Variants in PRKD1 observed in about 807,000 individuals in gnomAD.
The protein encoded by PRKD1 is serine/threonine-protein kinase D1.
In PRKD1, 63 loss-of-function variants were observed where a neutral mutation model predicts 95.9. That is an observed-to-expected ratio of 0.66 (90% CI 0.54 to 0.81). The LOEUF (loss-of-function observed/expected upper bound fraction) is 0.81. Among genes scored for constraint, PRKD1 ranks in the 30% least tolerant of loss-of-function variants. The pLI is 0.00. For synonymous variants in PRKD1, 425 were observed against 423.1 expected, an observed-to-expected ratio of 1.00 and a Z score of -0.05; for missense variants, 1,048 against 1,165.3, an observed-to-expected ratio of 0.90 and a Z score of 1.47.
chr14:29,811,847 AC>A (rs1890497406), intron 1 of PRKD1: 2 of 152,284 alleles, frequency 1.3e-5, no homozygotes, highest in African/African-American at 4.8e-5. Context: ...TCAGAGCATA[AC>A]ACCCCAAACA....
At position 29,634,461 on chromosome 14, in the gene PRKD1, A is replaced by G. The variant is rs1047048755; in HGVS notation, c.1271T>C (p.Met424Thr). 4 of 1,613,838 alleles carry G rather than the reference A, an allele frequency of 2.5e-6. No homozygotes were observed. The highest frequency in any genetic ancestry group is 2.5e-6 in the Non-Finnish European group (3 of 1,179,954). ...GTAGTGGACCATCCATCCTTCTTTC[A>G]TGACTGTGCTGCTTTTCCTCTTCGT... ...KHTKRKSSTV[M>T]KEGWMVHYTS... Residue 424 changes from methionine (M) to threonine (T), a missense_variant, in exon 8 of 18, where the codon ATG becomes ACG. Met to Thr is a moderately conservative substitution (Grantham distance 81, BLOSUM62 -1). This residue lies in a region of PRKD1 where 739 missense variants were observed against 861.9 expected (regional missense o/e 0.86). Coordinates refer to ENST00000331968, the MANE Select transcript of PRKD1 (RefSeq NM_002742.3).
chr14:29,640,329 AT>A (rs1880676884), intron 4 of PRKD1, among the ~76,000 whole-genome samples: 2 of 152,188 alleles, frequency 1.3e-5, no homozygotes, highest in African/African-American at 2.4e-5. Flanking sequence ...TTTACAAAAA[AT>A]TTCTATCCTT....
chr14:29,659,534 A>G (rs1468852494), intron 4 of PRKD1, among the ~76,000 whole-genome samples: 1 of 152,150 alleles, frequency 6.6e-6, no homozygotes, highest in African/African-American at 2.4e-5. Context: ...GCTTTACGAG[A>G]TAACTGCCAA....
chr14:29,843,285 C>G (rs1168377696), intron 1 of PRKD1, among the ~76,000 whole-genome samples: 1 of 152,168 alleles, frequency 6.6e-6, no homozygotes, highest in African/African-American at 2.4e-5. Flanking sequence ...AAGAAACCAA[C>G]CCTGCTGACA....
intron 7 of PRKD1, 106 bp downstream of exon 7, chr14:29,636,184 T>C (rs1208384875): frequency 1.5e-6 from 2 of 1,333,256 alleles, no homozygotes; most frequent in Non-Finnish European, 2.1e-6. Flanking sequence ...AAAGTAAACG[T>C]GCACTTCACA....
At chr14:29,588,790 TTGTGTGTGTGTGTGTGTGTGTGTGTGTG>T (rs34773417) in intron 16 of PRKD1, among the ~76,000 whole-genome samples, 1 of 145,326 alleles carries the variant, frequency 6.9e-6, no homozygotes, top group African/African-American at 2.5e-5. Flanking sequence ...ATTCCTAAAG[TTGTGTGTGTGTGTGTGTGTGTGTGTGTG>T]TGTGTGTGTG....
intron 1 of PRKD1, among the ~76,000 whole-genome samples, chr14:29,899,862 G>A (rs1037417338): frequency 6.6e-6 from 1 of 152,190 alleles, no homozygotes; most frequent in African/African-American, 2.4e-5. Context: ...TGTGTTGGGA[G>A]AGGGACCTGG....
chr14:29,889,390 C>T (rs974767371), intron 1 of PRKD1, among the ~76,000 whole-genome samples: 1 of 152,162 alleles, frequency 6.6e-6, no homozygotes, highest in Non-Finnish European at 1.5e-5. Flanking sequence ...ACAGTAGGTG[C>T]AGCCCATGGA....
chr14:29,625,046 T>C (rs17115091), intron 12 of PRKD1, among the ~76,000 whole-genome samples: 12,813 of 152,150 alleles, frequency 0.084, 1,376 homozygotes, highest in African/African-American at 0.24. Context: ...TTACTCAAAC[T>C]TTTTGGTAAC....
intron 13 of PRKD1, among the ~76,000 whole-genome samples, chr14:29,614,902 G>A (rs1878746818): frequency 7.5e-6 from 1 of 134,102 alleles, no homozygotes; most frequent in Non-Finnish European, 1.5e-5. Flanking sequence ...AGTAGAGACA[G>A]GGTTTCGCCA....
chr14:29,664,785 A>T (rs914920268), intron 3 of PRKD1, among the ~76,000 whole-genome samples: 1 of 152,238 alleles, frequency 6.6e-6, no homozygotes, highest in Non-Finnish European at 1.5e-5. Flanking sequence ...TGAATTGTGC[A>T]GTTCAAAGTG....
At position 29,663,806 on chromosome 14, in the gene PRKD1, T is replaced by C. The variant is rs772694415; in HGVS notation, c.589A>G (p.Ser197Gly). The change falls in exon 4 of 18, where the codon AGC becomes GGC. Residue 197 changes from serine to glycine, a missense_variant. Coordinates refer to ENST00000331968, the MANE Select transcript of PRKD1 (RefSeq NM_002742.3). ...RCAFKIPNNCSGVRRRRLSNV... is the reference protein window; with the variant it reads ...RCAFKIPNNCGGVRRRRLSNV... ...GAGAGCCTTCTCCGCCTCACACCGC[T>C]GCAATTGTTGGGTATTTTAAATGCA... 6.2e-7 allele frequency: 1 copy of C among 1,614,064 alleles called. No homozygotes were observed. The highest frequency in any genetic ancestry group is 1.7e-5 in the Admixed American group (1 of 60,008).
At chr14:29,747,744 A>G (rs1887295224) in intron 1 of PRKD1, among the ~76,000 whole-genome samples, 1 of 152,066 alleles carries the variant, frequency 6.6e-6, no homozygotes, top group Non-Finnish European at 1.5e-5. Context: ...TACTTTATTA[A>G]TTAATATATT....
At chr14:29,607,895 C>T (rs1190936467) in intron 13 of PRKD1, among the ~76,000 whole-genome samples, 1 of 152,128 alleles carries the variant, frequency 6.6e-6, no homozygotes, top group Non-Finnish European at 1.5e-5. Context: ...GGGCATTCTG[C>T]CTACCACACC....
At position 29,599,748 on chromosome 14, in the gene PRKD1, T is replaced by C; in HGVS notation, c.1975A>G (p.Met659Val). ...AGCATGTCTCCATGGAGTTTTTCCA[T>C]AACAACAAACACTCTTTCAGGCGTC... is the stretch of plus-strand genomic sequence containing the variant. Reference protein sequence around the residue: ...FETPERVFVVMEKLHGDMLEM... With the variant: ...FETPERVFVVVEKLHGDMLEM... Residue 659 changes from methionine to valine, a missense_variant, in exon 14 of 18, where the codon ATG becomes GTG. By Grantham distance (21) the Met-to-Val change is conservative. Coordinates refer to ENST00000331968, the MANE Select transcript of PRKD1 (RefSeq NM_002742.3). 2 of 1,613,406 alleles carry C rather than the reference T, an allele frequency of 1.2e-6. No individual in the cohort carries two copies. Among genetic ancestry groups the C allele is most frequent in the Non-Finnish European group, 1.7e-6 (2 of 1,179,648 alleles).
chr14:29,721,724 A>G (rs1022029846), intron 2 of PRKD1, among the ~76,000 whole-genome samples: 1 of 152,168 alleles, frequency 6.6e-6, no homozygotes, highest in Non-Finnish European at 1.5e-5. Context: ...TCTTAACAAT[A>G]GTAAGAATGC....
At chr14:29,673,302 A>T (rs138092059) in intron 2 of PRKD1, among the ~76,000 whole-genome samples, 44 of 152,302 alleles carry the variant, frequency 2.9e-4, no homozygotes, top group African/African-American at 1.1e-3. Flanking sequence ...CTACCTCCAT[A>T]CTTAGTTGGC....
At chr14:29,693,669 A>G (rs1468803096) in intron 2 of PRKD1, among the ~76,000 whole-genome samples, 2 of 149,388 alleles carry the variant, frequency 1.3e-5, no homozygotes, top group African/African-American at 4.9e-5. Flanking sequence ...AAAAACCAAC[A>G]CCATGGCTAA....
At chr14:29,749,492 C>G (rs1887380567) in intron 1 of PRKD1, among the ~76,000 whole-genome samples, 1 of 152,080 alleles carries the variant, frequency 6.6e-6, no homozygotes, top group Admixed American at 6.5e-5. Context: ...TGGAGTGTTC[C>G]CTCCAACCAC....
Sources: gnomAD v4.1 joint callset for allele counts (sites outside exome capture counted in the v4.1 genomes callset) on GRCh38, gnomAD v4.1.1 for gene constraint, gnomAD v4.1.1 regional missense constraint, MANE v1.5 for transcripts, NCBI Gene and HGNC (gene_info 2026-07-23, HGNC 2026-07-21) for gene names.